Variants in DAPK1 observed in about 807,000 individuals in gnomAD.
DAPK1 encodes death-associated protein kinase 1.
A neutral mutation model predicts 144.9 loss-of-function variants in DAPK1; 56 were observed. The ratio of observed to expected loss-of-function variants is 0.39; its 90% confidence interval spans 0.31 to 0.48. The LOEUF is 0.48. Ranked by LOEUF, DAPK1 falls within the 20% of genes least tolerant of loss-of-function variation. DAPK1 has a pLI of 0.95. For synonymous variants in DAPK1, 690 were observed against 749.0 expected (o/e 0.92, Z 1.29); for missense variants, 1,454 against 1,875.4 (o/e 0.78, Z 4.15).
intron 3 of DAPK1, among the ~76,000 whole-genome samples, chr9:87,630,798 G>A (rs151226522): frequency 3.3e-5 from 5 of 152,286 alleles, no homozygotes; most frequent in East Asian, 1.9e-4. Flanking sequence ...GCTTATCTGC[G>A]TGTCATCTCT....
chr9:87,520,418 C>G (rs904144174), intron 2 of DAPK1, among the ~76,000 whole-genome samples: 1 of 152,134 alleles, frequency 6.6e-6, no homozygotes, highest in South Asian at 2.1e-4. Flanking sequence ...GGGACAGGCA[C>G]AGCTGGAGAC....
At chr9:87,613,750 G>T (rs571261581) in intron 3 of DAPK1, among the ~76,000 whole-genome samples, 31 of 152,322 alleles carry the variant, frequency 2.0e-4, no homozygotes, top group Non-Finnish European at 1.6e-4. Flanking sequence ...TAAATGGGGT[G>T]TGTGGCACAG....
rs1010396435 is a variant in DAPK1, at chr9:87,536,413, A to G, written c.62+37274A>G. 3.9e-5 allele frequency among the ~76,000 whole-genome samples: 6 copies of G among 152,332 alleles called. No individual in the cohort carries two copies. The East Asian group carries it at 1.2e-3, about 29-fold the overall frequency. On this transcript the variant is annotated intron_variant, in intron 2 of 25. Coordinates refer to ENST00000408954, the MANE Select transcript of DAPK1 (RefSeq NM_004938.4). Reference sequence around the variant, plus strand: ...TGATGCTGACTTTTTCCTCTGGGGAAATGCGAAATACTTAAAGCTCTTATC... The same window carrying G: ...TGATGCTGACTTTTTCCTCTGGGGAGATGCGAAATACTTAAAGCTCTTATC...
At chr9:87,697,549 TG>T (rs761446085) in intron 22 of DAPK1, among the ~76,000 whole-genome samples, 1 of 152,352 alleles carries the variant, frequency 6.6e-6, no homozygotes, top group East Asian at 1.9e-4. Context: ...GGTCATTGTA[TG>T]TTGGGTGCAA....
intron 2 of DAPK1, among the ~76,000 whole-genome samples, chr9:87,516,431 G>A (rs1005270027): frequency 1.1e-4 from 16 of 152,104 alleles, no homozygotes; most frequent in African/African-American, 3.9e-4. Flanking sequence ...TGAGTCATGA[G>A]TCATGGCCCC....
At chr9:87,592,074 G>A (rs1034317099) in intron 2 of DAPK1, among the ~76,000 whole-genome samples, 4 of 152,166 alleles carry the variant, frequency 2.6e-5, no homozygotes, top group Non-Finnish European at 4.4e-5. Flanking sequence ...CTTTAAACAG[G>A]CCAGGCTGTC....
intron 1 of DAPK1, chr9:87,498,642 A>G (rs1226548443): frequency 2.9e-6 from 1 of 347,380 alleles, no homozygotes; most frequent in Admixed American, 4.6e-5. Context: ...TGGAGGTGGG[A>G]AAGCTGGGTG....
At chr9:87,528,714 A>G (rs577296941) in intron 2 of DAPK1, among the ~76,000 whole-genome samples, 1 of 151,778 alleles carries the variant, frequency 6.6e-6, no homozygotes, top group Non-Finnish European at 1.5e-5. Flanking sequence ...TACTAAAAAT[A>G]CAAAAAAACT....
At chr9:87,657,930 G>C in intron 17 of DAPK1, 99 bp from the exon 18 acceptor site, 1 of 714,118 alleles carries the variant, frequency 1.4e-6, no homozygotes, top group Non-Finnish European at 2.6e-6. Context: ...CCTCCTTTCT[G>C]GTGGGCCCTG....
In DAPK1 at chr9:87,503,133, A is replaced by G. The variant is rs1391944733; in HGVS notation, c.62+3994A>G. Among the ~76,000 whole-genome samples the G allele has an allele frequency of 2.6e-5, 4 of 152,202 alleles. 1 individual carries two copies. In the South Asian group the frequency reaches 6.2e-4, roughly 24 times the overall value. On this transcript the variant is annotated intron_variant, in intron 2 of 25. Transcript: ENST00000408954. Reference sequence around the variant, plus strand: ...TTGTTAGAATTACAGACGTGGCTTTAAACATCTGACATGCAGTCTGTCTTT... The same window carrying G: ...TTGTTAGAATTACAGACGTGGCTTTGAACATCTGACATGCAGTCTGTCTTT...
chr9:87,660,215 C>G (rs1830792936), intron 18 of DAPK1, among the ~76,000 whole-genome samples: 1 of 152,038 alleles, frequency 6.6e-6, no homozygotes, highest in South Asian at 2.1e-4. Flanking sequence ...GTGAGCAGAG[C>G]TTGGTGGGCC....
intron 8 of DAPK1, 91 bp from the exon 9 acceptor site, chr9:87,640,711 A>G (rs1351139884): frequency 7.3e-7 from 1 of 1,370,266 alleles, no homozygotes; most frequent in South Asian, 1.2e-5. Context: ...TTTCCACAGT[A>G]TCTGCTTGGC....
At chr9:87,700,884 A>G (rs1825435019) in intron 24 of DAPK1, among the ~76,000 whole-genome samples, 1 of 152,264 alleles carries the variant, frequency 6.6e-6, no homozygotes, top group African/African-American at 2.4e-5. Context: ...AACAGTCACA[A>G]ACTTTTTTGA....
chr9:87,652,689 T>C (rs1345283368), intron 17 of DAPK1, among the ~76,000 whole-genome samples: 4 of 145,052 alleles, frequency 2.8e-5, no homozygotes, highest in Admixed American at 6.8e-5. Context: ...TGATTCTGTG[T>C]CCTCTCACCT....
chr9:87,584,664 T>TTTTG (rs146308495), intron 2 of DAPK1, among the ~76,000 whole-genome samples: 29 of 140,506 alleles, frequency 2.1e-4, no homozygotes, highest in Non-Finnish European at 4.5e-4. Context: ...TGATAGCTCA[T>TTTTG]TGTGTGTGTG....
intron 2 of DAPK1, among the ~76,000 whole-genome samples, chr9:87,526,737 G>A (rs907414277): frequency 6.6e-6 from 1 of 152,150 alleles, no homozygotes; most frequent in Non-Finnish European, 1.5e-5. Context: ...CCTTTATGGT[G>A]ATGAGATGGT....
chr9:87,621,965 C>T (rs1829309790), intron 3 of DAPK1, among the ~76,000 whole-genome samples: 1 of 152,004 alleles, frequency 6.6e-6, no homozygotes, highest in African/African-American at 2.4e-5. Context: ...TACCACCTCT[C>T]TCCAAGGGCA....
chr9:87,648,364 T>C (rs1261459398), intron 14 of DAPK1, among the ~76,000 whole-genome samples: 1 of 152,258 alleles, frequency 6.6e-6, no homozygotes, highest in Admixed American at 6.5e-5. Flanking sequence ...TTTCTAATCA[T>C]AGGCAATGAA....
intron 2 of DAPK1, among the ~76,000 whole-genome samples, chr9:87,568,828 C>T (rs1359549903): frequency 6.6e-6 from 1 of 152,174 alleles, no homozygotes; most frequent in Non-Finnish European, 1.5e-5. Context: ...AGGCCTTGAT[C>T]ATTTACTCCC....
Sources: gnomAD v4.1 joint callset for allele counts (sites outside exome capture counted in the v4.1 genomes callset) on GRCh38, gnomAD v4.1.1 for gene constraint, MANE v1.5 for transcripts, NCBI Gene and HGNC (gene_info 2026-07-23, HGNC 2026-07-21) for gene names.